ENPP4: variants seen among roughly 807,000 people sequenced by gnomAD.
The protein encoded by ENPP4 is ectonucleotide pyrophosphatase/phosphodiesterase 4, also known as bis(5'-adenosyl)-triphosphatase ENPP4.
Under a neutral mutation model 33.4 loss-of-function variants are expected in ENPP4, and 18 were observed. That is an observed-to-expected ratio of 0.54 (90% confidence interval 0.37 to 0.80). ENPP4 has a LOEUF of 0.80. Ranked by LOEUF, ENPP4 falls within the 30% of genes least tolerant of loss-of-function variation. ENPP4 has a pLI of 0.00. For missense variants in ENPP4, 480 were observed against 541.7 expected, an observed-to-expected ratio of 0.89 and a Z score of 1.13; for synonymous variants, 172 against 189.9, an observed-to-expected ratio of 0.91 and a Z score of 0.78.
intron 1 of ENPP4, among the ~76,000 whole-genome samples, chr6:46,132,162 G>A (rs1405458409): frequency 6.6e-6 from 1 of 152,096 alleles, no homozygotes; most frequent in African/African-American, 2.4e-5. Context: ...AGTTTAATTA[G>A]ATCCCATTTG....
At chr6:46,142,259 G>A (rs1764072448) in intron 3 of ENPP4, among the ~76,000 whole-genome samples, 1 of 28,054 alleles carries the variant, frequency 3.6e-5, no homozygotes. Flanking sequence ...GTTAATTGTG[G>A]ACATTTCTCC....
chr6:46,138,992 T>C (rs1293333307), intron 1 of ENPP4, among the ~76,000 whole-genome samples: 1 of 151,864 alleles, frequency 6.6e-6, no homozygotes, highest in Non-Finnish European at 1.5e-5. Flanking sequence ...TTGGGGCACA[T>C]ACAGACTGAT....
At chr6:46,140,997 T>G in intron 2 of ENPP4, 55 bp from the exon 3 acceptor site, 1 of 1,147,950 alleles carries the variant, frequency 8.7e-7, no homozygotes, top group Non-Finnish European at 1.2e-6. Context: ...GTTAGACATA[T>G]TTTTTCCTTA....
At chr6:46,137,293 T>A (rs988100691) in intron 1 of ENPP4, among the ~76,000 whole-genome samples, 1 of 151,836 alleles carries the variant, frequency 6.6e-6, no homozygotes, top group African/African-American at 2.4e-5. Flanking sequence ...GTTTTCCCTG[T>A]GAGAAGATAC....
At position 46,143,319 on chromosome 6, in the gene ENPP4, A is replaced by G. The variant is rs938668250; in HGVS notation, c.1041A>G (p.Pro347=). ...ATAATTCTTTGCCTAGTATGCATCC[A>G]TTTCTAGCTGCCCACGGACCTGCAT... ...GYDNSLPSMH[P]FLAAHGPAFH... Residue 347 remains proline, a synonymous_variant, in exon 4 of 4, where the codon CCA becomes CCG. Transcript: ENST00000321037. 5 of 1,606,700 alleles carry G rather than the reference A, an allele frequency of 3.1e-6. No homozygotes were observed. Among genetic ancestry groups the G allele is most frequent in the African/African-American group, 1.3e-5 (1 of 74,706 alleles).
At chr6:46,141,021 G>T in intron 2 of ENPP4, 31 bp from the exon 3 acceptor site, 1 of 1,466,706 alleles carries the variant, frequency 6.8e-7, no homozygotes, top group South Asian at 1.3e-5. Flanking sequence ...ATCATAACTT[G>T]TTTCCTTTGC....
rs1330028031 is a variant in ENPP4, at chr6:46,130,036, C to CCGCGG, written c.-178_-174dup. 3 of 152,188 alleles carry CCGCGG rather than the reference C, an allele frequency of 2.0e-5. No homozygotes were observed. Among genetic ancestry groups the CCGCGG allele is most frequent in the South Asian group, 2.1e-4 (1 of 4,828 alleles). The allele number at this position is 152,188 out of a possible 1,614,324, so 9.4% of individuals were successfully genotyped here. A position where few individuals can be genotyped will look rare whatever the true frequency, so the allele number is the denominator to read the frequency against. On this transcript the variant is annotated 5_prime_UTR_variant, in exon 1 of 4. Transcript: ENST00000321037. ...CAGATAGGGACGTTGGGGCTGTGCC[C>CCGCGG]CGCGGCGCGGCGCCTGCCACTGCGC...
intron 1 of ENPP4, among the ~76,000 whole-genome samples, chr6:46,134,834 G>A (rs998297995): frequency 1.3e-5 from 2 of 151,564 alleles, no homozygotes; most frequent in Non-Finnish European, 2.9e-5. Flanking sequence ...TATACTTACT[G>A]GCATTTATTA....
intron 1 of ENPP4, among the ~76,000 whole-genome samples, chr6:46,138,356 T>C (rs1764005532): frequency 2.6e-5 from 4 of 151,864 alleles, no homozygotes. Context: ...GCTGCCTGTT[T>C]TGTTCATGCC....
chr6:46,141,844 A>G (rs958668909), intron 3 of ENPP4, among the ~76,000 whole-genome samples: 1 of 151,578 alleles, frequency 6.6e-6, no homozygotes, highest in Admixed American at 6.6e-5. Context: ...TTTGTGGTCT[A>G]TGGTAGGGGT....
rs1431530768 is a variant in ENPP4 at position 46,140,264 on chromosome 6, G to A, written c.681G>A (p.Trp227Ter). 6.2e-7 allele frequency: 1 copy of A among 1,612,468 alleles called. No homozygotes were observed. The highest frequency in any genetic ancestry group is 1.1e-5 in the South Asian group (1 of 91,048). The stretch of plus-strand genomic sequence containing the variant: ...AAAGACTCAAGATGTTAGGGCTATG[G>A]GAAAATCTTAATGTGATCATTACAA... ...LVQRLKMLGLWENLNVIITSD... is the reference protein window; with the variant it reads ...LVQRLKMLGL The change falls in exon 2 of 4, where the codon TGG becomes TGA. Residue 227 changes from tryptophan to a stop codon, truncating the protein, a stop_gained. Transcript: ENST00000321037. LOFTEE classifies it high-confidence loss of function.
intron 3 of ENPP4, among the ~76,000 whole-genome samples, chr6:46,143,062 G>C (rs1323382959): frequency 6.6e-6 from 1 of 150,810 alleles, no homozygotes; most frequent in Admixed American, 6.7e-5. Context: ...CTGAGGGTAT[G>C]ACCAGTTGGG....
Position 46,145,434 on chromosome 6 carries a change from A to G in ENPP4, c.*1794A>G, listed in dbSNP as rs370945531. ...TTTCTAATTTTTTTCACATAAAACA[A>G]TTATCCTAAAGGTTAATAGTTGATC... is the stretch of plus-strand genomic sequence containing the variant. On this transcript the variant is annotated 3_prime_UTR_variant, in exon 4 of 4. Coordinates refer to ENST00000321037, the MANE Select transcript of ENPP4 (RefSeq NM_014936.5). 6.6e-6 allele frequency: 1 copy of G among 152,258 alleles called. No homozygotes were observed. The highest frequency in any genetic ancestry group is 2.4e-5 in the African/African-American group (1 of 41,542). 9.4% of individuals were successfully genotyped at this position (152,258 alleles called of 1,614,324 possible).
At chr6:46,131,366 G>C (rs1242921979) in intron 1 of ENPP4, among the ~76,000 whole-genome samples, 2 of 145,050 alleles carry the variant, frequency 1.4e-5, no homozygotes, top group East Asian at 4.0e-4. Flanking sequence ...GTGTCCATGT[G>C]TTCTCATTGT....
In ENPP4 at chr6:46,141,159, C is replaced by A; in HGVS notation, c.934C>A (p.Gln312Lys). The A allele has an allele frequency of 6.2e-7, 1 of 1,608,816 alleles. No individual in the cohort carries two copies. The highest frequency in any genetic ancestry group is 8.5e-7 in the Non-Finnish European group (1 of 1,176,306). ...RFYYQHNDRIQPIILVADEGW... is the reference protein window; with the variant it reads ...RFYYQHNDRIKPIILVADEGW... ...TTATTACCAACATAATGATCGAATT[C>A]AGCCCATTATTTTGGTTGCCGATGA... Residue 312 changes from glutamine (Q) to lysine (K), a missense_variant, in exon 3 of 4, where the codon CAG (glutamine) becomes AAG (lysine). Coordinates refer to ENST00000321037, the MANE Select transcript of ENPP4 (RefSeq NM_014936.5).
At chr6:46,142,072 T>C (rs1028659509) in intron 3 of ENPP4, among the ~76,000 whole-genome samples, 3 of 151,546 alleles carry the variant, frequency 2.0e-5, no homozygotes, top group Admixed American at 6.6e-5. Context: ...TTCCCTGATA[T>C]ATAGCAATTT....
rs61732508 is a variant in ENPP4 at position 46,139,606 on chromosome 6, T to C, written c.23T>C (p.Leu8Ser). 1.5e-4 allele frequency: 246 copies of C among 1,593,176 alleles called. No homozygotes were observed. The African/African-American group carries it at 2.9e-3, about 19-fold the overall frequency. The change falls in exon 2 of 4, where the codon TTG (leucine) becomes TCG (serine). Residue 8 changes from leucine to serine, a missense_variant. Leu to Ser is a moderately radical substitution (Grantham distance 145). Transcript: ENST00000321037. ...ATTATGAAGTTATTAGTAATACTTTTGTTTTCTGGACTTATAACTGGTTTT... is the reference window on the plus strand; with the variant it reads ...ATTATGAAGTTATTAGTAATACTTTCGTTTTCTGGACTTATAACTGGTTTT... Reference protein sequence around the residue: MKLLVILLFSGLITGFRS... With the variant: MKLLVILSFSGLITGFRS...
Position 46,143,485 on chromosome 6 carries a change from A to G in ENPP4, c.1207A>G (p.Asn403Asp). Residue 403 changes from asparagine (N) to aspartate (D), a missense_variant, in exon 4 of 4, where the codon AAT becomes GAT. By Grantham distance (23) the Asn-to-Asp change is conservative (BLOSUM62 1). Transcript: ENST00000321037. ...KCLLVDQWCINLPEAIAIVIG... is the reference protein window; with the variant it reads ...KCLLVDQWCIDLPEAIAIVIG... ...CTTGTTAGTTGACCAGTGGTGCATT[A>G]ATCTCCCAGAAGCCATCGCGATTGT... 1 of 1,612,878 alleles carries G rather than the reference A, an allele frequency of 6.2e-7. No homozygotes were observed. The highest frequency in any genetic ancestry group is 8.5e-7 in the Non-Finnish European group (1 of 1,179,098).
rs1423781644 is a variant in ENPP4, at chr6:46,145,085, A to G, written c.*1445A>G. On this transcript the variant is annotated 3_prime_UTR_variant, in exon 4 of 4. Transcript: ENST00000321037. ...GTACGTGAGACAAGCAGTTAATAGT[A>G]TGATCTTTAAAGTTTTGACAATATA... The G allele has an allele frequency of 2.6e-6, 1 of 392,012 alleles. No individual in the cohort carries two copies. The highest frequency in any genetic ancestry group is 4.5e-6 in the Non-Finnish European group (1 of 221,556). 24.3% of individuals were successfully genotyped at this position (392,012 alleles called of 1,614,324 possible). A position where few individuals can be genotyped will look rare whatever the true frequency, so the allele number is the denominator to read the frequency against.
Sources: gnomAD v4.1 joint callset for allele counts (sites outside exome capture counted in the v4.1 genomes callset) on GRCh38, gnomAD v4.1.1 for gene constraint, MANE v1.5 for transcripts, NCBI Gene and HGNC (gene_info 2026-07-23, HGNC 2026-07-21) for gene names.